The following SUMF1 variants were observed in gnomAD, a reference collection of about 807,000 sequenced individuals.
SUMF1 encodes the protein sulfatase modifying factor 1.
Under a neutral mutation model 47.6 loss-of-function variants are expected in SUMF1, and 48 were observed. The ratio of observed to expected loss-of-function variants is 1.01; its 90% CI spans 0.80 to 1.28. The LOEUF (loss-of-function observed/expected upper bound fraction) is 1.28. Among genes scored for constraint, SUMF1 ranks in the 50% most tolerant of loss-of-function variants. The pLI is 0.00. For missense variants in SUMF1, 571 were observed against 485.4 expected (o/e 1.18, Z -1.66); for synonymous variants, 230 against 192.1 (o/e 1.20, Z -1.63).
At chr3:4,159,416 C>CA (rs1479195875) in intron 8 of SUMF1, among the ~76,000 whole-genome samples, 1 of 147,786 alleles carries the variant, frequency 6.8e-6, no homozygotes, top group East Asian at 1.9e-4. Context: ...AACAAACCAG[C>CA]AAAAAAACCA....
At chr3:4,359,410 T>C (rs2125169288), downstream of SUMF1, among the ~76,000 whole-genome samples, 1 of 152,332 alleles carries the variant, frequency 6.6e-6, no homozygotes, top group East Asian at 1.9e-4. Flanking sequence ...CTCAAGTAGC[T>C]GGGACTACAG....
At position 4,036,928 on chromosome 3, in the gene SUMF1, G is replaced by C. The variant is rs80274239; in HGVS notation, c.1191+31641C>G. Among the ~76,000 whole-genome samples, 1,247 of 150,606 alleles carry C rather than the reference G, an allele frequency of 8.3e-3. 17 individuals carry two copies. Among genetic ancestry groups the C allele is most frequent in the African/African-American group, 0.029 (1,177 of 40,994 alleles). On this transcript the variant is annotated intron_variant and NMD_transcript_variant, in intron 9 of 12. Coordinates refer to the SUMF1 transcript ENST00000448413. ...ATACAGAACTAGGTGGAGATACTGA[G>C]GGAACCAACACACTGTTCTGAACAC...
chr3:4,142,213 AAC>A (rs1346382870), intron 8 of SUMF1, among the ~76,000 whole-genome samples: 2 of 152,022 alleles, frequency 1.3e-5, no homozygotes, highest in African/African-American at 4.8e-5. Flanking sequence ...ATTGTTGAGA[AAC>A]AGTTTTTTCA....
At chr3:4,238,298 G>T (rs540412547) in intron 8 of SUMF1, among the ~76,000 whole-genome samples, 5 of 152,036 alleles carry the variant, frequency 3.3e-5, no homozygotes, top group African/African-American at 4.8e-5. Context: ...ACCCAGTAAC[G>T]GGATTGCTGG....
chr3:4,321,909 G>A (rs935393401), intron 8 of SUMF1, among the ~76,000 whole-genome samples: 1 of 152,016 alleles, frequency 6.6e-6, no homozygotes, highest in Non-Finnish European at 1.5e-5. Flanking sequence ...GGTGATCAAG[G>A]TCAATATGAA....
chr3:4,421,793 A>C (rs539158826), intron 3 of SUMF1, among the ~76,000 whole-genome samples: 1 of 152,250 alleles, frequency 6.6e-6, no homozygotes, highest in South Asian at 2.1e-4. Flanking sequence ...CCTGCAAATG[A>C]TTCTTCTAAT....
chr3:4,066,880 G>A (rs1023602442), intron 9 of SUMF1, among the ~76,000 whole-genome samples: 1 of 152,192 alleles, frequency 6.6e-6, no homozygotes, highest in Non-Finnish European at 1.5e-5. Flanking sequence ...AAGGTGATGA[G>A]CATAGCAGCC....
chr3:4,412,870 C>A lies in SUMF1; in HGVS notation c.841-1892G>T, dbSNP rs1701589535. 2.0e-5 allele frequency among the ~76,000 whole-genome samples: 3 copies of A among 152,162 alleles called. No homozygotes were observed. The South Asian group carries it at 6.2e-4, about 31-fold the overall frequency. ...CACCACTGCACTCCAGGCTGGGTGA[C>A]ACAGCGAGATTACGTCTCAAACAAA... On this transcript the variant is annotated intron_variant, in intron 6 of 8. Transcript: ENST00000272902.
At chr3:4,406,368 C>G (rs1017352489) in intron 7 of SUMF1, among the ~76,000 whole-genome samples, 1 of 152,090 alleles carries the variant, frequency 6.6e-6, no homozygotes, top group Non-Finnish European at 1.5e-5. Context: ...GAGTTCTTTT[C>G]CTGACAGCCA....
intron 8 of SUMF1, among the ~76,000 whole-genome samples, chr3:4,125,298 C>T (rs75728244): frequency 0.044 from 6,659 of 152,078 alleles, 428 homozygotes; most frequent in East Asian, 0.17. Context: ...ATTACTGTAC[C>T]GGACAGCACA....
chr3:4,303,602 G>C lies in SUMF1; in HGVS notation c.1014+72728C>G, dbSNP rs1032312517. 10 of 1,375,284 alleles carry C rather than the reference G, an allele frequency of 7.3e-6. No homozygotes were observed. The African/African-American group carries it at 1.4e-4, about 19-fold the overall frequency. The allele number at this position is 1,375,284 out of a possible 1,614,324, so 85.2% of individuals were successfully genotyped here. On this transcript the variant is annotated intron_variant and NMD_transcript_variant, in intron 8 of 12. Coordinates refer to the SUMF1 transcript ENST00000448413. ...TGGTCTCCTCAAGCCGCCTCGCTGG[G>C]ACGGCCTCCCAGTCGCGACCTTTTG... is the stretch of plus-strand genomic sequence containing the variant.
At chr3:4,107,873 T>C (rs1693194060) in intron 8 of SUMF1, among the ~76,000 whole-genome samples, 1 of 152,118 alleles carries the variant, frequency 6.6e-6, no homozygotes, top group East Asian at 1.9e-4. Context: ...ATTCCATTCT[T>C]AGGAATAATT....
At chr3:4,377,276 CAT>C (rs1700358903) in intron 7 of SUMF1, among the ~76,000 whole-genome samples, 1 of 151,464 alleles carries the variant, frequency 6.6e-6, no homozygotes, top group Admixed American at 6.6e-5. Context: ...TTTTGACAAA[CAT>C]ATATAGTCAT....
At chr3:4,157,797 A>G (rs73012878) in intron 8 of SUMF1, among the ~76,000 whole-genome samples, 19,744 of 151,574 alleles carry the variant, frequency 0.13, 1,598 homozygotes, top group Non-Finnish European at 0.16. Context: ...TTTTATTACA[A>G]CAGACATAGG....
intron 8 of SUMF1, among the ~76,000 whole-genome samples, chr3:4,323,080 T>G (rs1698870485): frequency 6.6e-6 from 1 of 152,172 alleles, no homozygotes; most frequent in South Asian, 2.1e-4. Context: ...TCATATAACG[T>G]TATTCATAAT....
intron 8 of SUMF1, among the ~76,000 whole-genome samples, chr3:4,287,500 A>G (rs1044188863): frequency 1.3e-5 from 2 of 151,954 alleles, no homozygotes; most frequent in Non-Finnish European, 2.9e-5. Flanking sequence ...ATCAGATTGG[A>G]TGCTGTCACT....
chr3:4,236,656 C>T (rs1391703594), intron 8 of SUMF1, among the ~76,000 whole-genome samples: 5 of 152,030 alleles, frequency 3.3e-5, no homozygotes, highest in South Asian at 2.1e-4. Flanking sequence ...CAAAATTGTG[C>T]AGAAAGTACA....
chr3:4,280,301 C>A (rs939527956), intron 8 of SUMF1, among the ~76,000 whole-genome samples: 8 of 152,044 alleles, frequency 5.3e-5, no homozygotes, highest in African/African-American at 1.9e-4. Context: ...AAGAACACCC[C>A]GGGGTCCTAA....
intron 8 of SUMF1, among the ~76,000 whole-genome samples, chr3:4,224,438 A>C (rs1454196829): frequency 6.6e-6 from 1 of 151,950 alleles, no homozygotes; most frequent in Non-Finnish European, 1.5e-5. Context: ...CCCATCTCTT[A>C]TTTTTATAAC....
Sources: allele counts gnomAD v4.1 joint callset (sites outside exome capture counted in the v4.1 genomes callset), GRCh38; gene constraint gnomAD v4.1.1; transcripts MANE v1.5; gene names NCBI Gene and HGNC (gene_info 2026-07-23, HGNC 2026-07-21).